Variants in PCNX2 observed in about 807,000 individuals in gnomAD.
PCNX2 encodes pecanex-like protein 2.
Under a neutral mutation model 223.8 loss-of-function variants are expected in PCNX2, and 168 were observed. The ratio of observed to expected loss-of-function variants is 0.75; its 90% confidence interval spans 0.66 to 0.85. The LOEUF is 0.85. Ranked by LOEUF, PCNX2 falls within the 40% of genes least tolerant of loss-of-function variation. The probability of loss-of-function intolerance (pLI) is 0.00; values close to 1 mark genes in which losing one functional copy is unlikely to be tolerated. For synonymous variants in PCNX2, 1,006 were observed against 1,052.6 expected (o/e 0.96, Z 0.86); for missense variants, 2,507 against 2,675.5 (o/e 0.94, Z 1.39).
rs1388282967 is a variant in PCNX2 at position 232,986,373 on chromosome 1, A to AGGAGAGCCGGCTGCC, written c.5944_5958dup (p.Gly1982_Ser1986dup). 1.2e-5 allele frequency: 20 copies of AGGAGAGCCGGCTGCC among 1,603,102 alleles called. No individual in the cohort carries two copies. Among genetic ancestry groups the AGGAGAGCCGGCTGCC allele is most frequent in the Non-Finnish European group, 1.7e-5 (20 of 1,174,780 alleles). On this transcript the variant is annotated inframe_insertion, in exon 33 of 34. Coordinates refer to ENST00000258229, the MANE Select transcript of PCNX2 (RefSeq NM_014801.4). ...TGCAGGGACGTGGCCGAGGCGTGCAAGGAGAGCCGGCTGCCCGAGAGCCTC... is the reference window on the plus strand; with the variant it reads ...TGCAGGGACGTGGCCGAGGCGTGCAAGGAGAGCCGGCTGCCGGAGAGCCGGCTGCCCGAGAGCCTC...
intron 21 of PCNX2, among the ~76,000 whole-genome samples, chr1:233,115,635 G>A (rs1278082580): frequency 6.6e-6 from 1 of 152,110 alleles, no homozygotes; most frequent in Non-Finnish European, 1.5e-5. Flanking sequence ...GAACTAAAGG[G>A]CCAGCAAGCC....
intron 23 of PCNX2, among the ~76,000 whole-genome samples, chr1:233,082,213 G>C (rs187233938): frequency 6.6e-6 from 1 of 152,136 alleles, no homozygotes; most frequent in African/African-American, 2.4e-5. Context: ...TGAATGTTAG[G>C]ACTGGAATGA....
the PCNX2 span, among the ~76,000 whole-genome samples, chr1:233,325,729 T>C: frequency 6.6e-6 from 1 of 152,132 alleles, no homozygotes; most frequent in South Asian, 2.1e-4. Context: ...AAAAGTAGTT[T>C]CTTGAGATGG....
chr1:233,057,149 C>T (rs1396714289), intron 24 of PCNX2, 83 bp downstream of exon 24: 7 of 1,157,234 alleles, frequency 6.0e-6, no homozygotes, highest in African/African-American at 1.5e-5. Context: ...ACAATGAGTA[C>T]AGAGTGAGTA....
chr1:233,252,896 A>T, intron 5 of PCNX2, 108 bp from the exon 6 acceptor site: 1 of 1,153,912 alleles, frequency 8.7e-7, no homozygotes, highest in South Asian at 1.7e-5. Context: ...AAATCTAAGC[A>T]GCTCCTCTGC....
intron 4 of PCNX2, chr1:233,259,813 T>C (rs56834115): frequency 0.014 from 12,095 of 882,476 alleles, 193 homozygotes; most frequent in African/African-American, 0.076. Flanking sequence ...TACGGCTGCA[T>C]TGATACTTAT....
At position 233,131,458 on chromosome 1, in the gene PCNX2, G is replaced by C. The variant is rs142416010; in HGVS notation, c.3837+3555C>G. 6.8e-3 allele frequency among the ~76,000 whole-genome samples: 1,041 copies of C among 152,196 alleles called. 9 individuals carry two copies. Among genetic ancestry groups the C allele is most frequent in the Non-Finnish European group, 0.012 (820 of 68,004 alleles). ...GACTTTCAGGCAGAATCTTTACAGG[G>C]GACCTTAACTGTGAACTTCTTGATA... On this transcript the variant is annotated intron_variant, in intron 21 of 33. Coordinates refer to ENST00000258229, the MANE Select transcript of PCNX2 (RefSeq NM_014801.4).
At chr1:233,019,135 AC>A in intron 26 of PCNX2, 1 of 985,282 alleles carries the variant, frequency 1.0e-6, no homozygotes, top group Non-Finnish European at 1.2e-6. Context: ...TGTGATTTCC[AC>A]TAAACAACTG....
chr1:233,219,627 TA>T (rs202183636), intron 10 of PCNX2, among the ~76,000 whole-genome samples: 8 of 151,366 alleles, frequency 5.3e-5, no homozygotes, highest in African/African-American at 1.5e-4. Context: ...TGTGAACATT[TA>T]AAAAAAAATA....
At chr1:233,235,955 A>ATATAT (rs1553319628) in intron 9 of PCNX2, among the ~76,000 whole-genome samples, 3 of 41,476 alleles carry the variant, frequency 7.2e-5, no homozygotes, top group African/African-American at 2.0e-4. Context: ...ATCATAAAAA[A>ATATAT]AAATATATAT....
intron 8 of PCNX2, among the ~76,000 whole-genome samples, chr1:233,239,209 G>A (rs375597981): frequency 2.0e-5 from 3 of 152,202 alleles, no homozygotes; most frequent in Non-Finnish European, 4.4e-5. Context: ...AGAAATGTAC[G>A]CTTCTGTGCA....
intron 2 of PCNX2, among the ~76,000 whole-genome samples, 166 bp from the exon 3 acceptor site, chr1:233,262,331 TG>T (rs1203833816): frequency 6.6e-6 from 1 of 152,150 alleles, no homozygotes; most frequent in Non-Finnish European, 1.5e-5. Context: ...TCGCTCTGTC[TG>T]GGTAGACTGG....
intron 23 of PCNX2, among the ~76,000 whole-genome samples, chr1:233,085,230 G>A (rs953186131): frequency 2.0e-5 from 3 of 151,994 alleles, no homozygotes; most frequent in Non-Finnish European, 4.4e-5. Context: ...CTACTCGGGA[G>A]GCTGAGGTAG....
intron 21 of PCNX2, among the ~76,000 whole-genome samples, chr1:233,119,849 C>CA (rs1355977457): frequency 1.3e-5 from 2 of 151,976 alleles, no homozygotes; most frequent in Non-Finnish European, 2.9e-5. Flanking sequence ...TTGCAGATGA[C>CA]ATATCCAACA....
intron 15 of PCNX2, among the ~76,000 whole-genome samples, chr1:233,187,207 A>G (rs1680153631): frequency 6.7e-6 from 1 of 150,176 alleles, no homozygotes; most frequent in Non-Finnish European, 1.5e-5. Context: ...AGGTAAAAGT[A>G]TTGCCCATTT....
chr1:233,125,096 C>G (rs543888195), intron 21 of PCNX2, among the ~76,000 whole-genome samples: 1 of 152,340 alleles, frequency 6.6e-6, no homozygotes, highest in African/African-American at 2.4e-5. Flanking sequence ...AGAACTCACT[C>G]TGTTTCAGGA....
chr1:233,052,812 GAC>G (rs1338385851), intron 25 of PCNX2, among the ~76,000 whole-genome samples: 1 of 152,024 alleles, frequency 6.6e-6, no homozygotes, highest in East Asian at 1.9e-4. Flanking sequence ...TCCACCACCA[GAC>G]CAAAAAGTCC....
the PCNX2 span, among the ~76,000 whole-genome samples, chr1:233,321,632 G>A: frequency 1.3e-5 from 2 of 152,166 alleles, no homozygotes; most frequent in African/African-American, 2.4e-5. Flanking sequence ...TCATACTTGG[G>A]TGTGCAGAAA....
intron 23 of PCNX2, 28 bp from the exon 24 acceptor site, chr1:233,057,318 G>C (rs1672229344): frequency 2.6e-6 from 4 of 1,561,966 alleles, no homozygotes; most frequent in African/African-American, 1.4e-5. Flanking sequence ...AGGGTAAAAG[G>C]TCATGATTAG....
Sources: gnomAD v4.1 joint callset for allele counts (sites outside exome capture counted in the v4.1 genomes callset) on GRCh38, gnomAD v4.1.1 for gene constraint, MANE v1.5 for transcripts, NCBI Gene and HGNC (gene_info 2026-07-23, HGNC 2026-07-21) for gene names.